The following C12orf42 variants were observed in gnomAD, a reference collection of about 807,000 sequenced individuals.
C12orf42 encodes chromosome 12 open reading frame 42, also known as uncharacterized protein C12orf42.
Under a neutral mutation model 21.6 loss-of-function variants are expected in C12orf42, and 25 were observed. The observed-to-expected ratio is 1.16, with a 90% CI of 0.84 to 1.62. The LOEUF is 1.62. C12orf42 is among the 40% of genes most tolerant of loss of function. The pLI is 0.00. For synonymous variants in C12orf42, 174 were observed against 175.0 expected, an observed-to-expected ratio of 0.99 and a Z score of 0.05; for missense variants, 483 against 459.3, an observed-to-expected ratio of 1.05 and a Z score of -0.47.
chr12:103,110,760 A>C, the C12orf42 span, among the ~76,000 whole-genome samples: 3 of 152,250 alleles, frequency 2.0e-5, no homozygotes, highest in Non-Finnish European at 4.4e-5. Context: ...TAGATTATAG[A>C]AAAAGGATAA....
the C12orf42 span, among the ~76,000 whole-genome samples, chr12:103,054,035 C>T: frequency 3.3e-5 from 5 of 151,890 alleles, no homozygotes; most frequent in South Asian, 8.3e-4. Context: ...ATTCCTTCCA[C>T]TTTGTTCTTT....
At chr12:103,422,924 G>A (rs1485860211) in intron 2 of C12orf42, among the ~76,000 whole-genome samples, 1 of 151,936 alleles carries the variant, frequency 6.6e-6, no homozygotes, top group Non-Finnish European at 1.5e-5. Context: ...TGCATACTGT[G>A]TATTTTCCCT....
intron 2 of C12orf42, among the ~76,000 whole-genome samples, chr12:103,438,554 CAA>C (rs1950933961): frequency 6.6e-6 from 1 of 152,170 alleles, no homozygotes; most frequent in East Asian, 1.9e-4. Context: ...GCAACTTCAG[CAA>C]AGTCTCAGGA....
intron 4 of C12orf42, among the ~76,000 whole-genome samples, chr12:103,291,038 A>T (rs1256190910): frequency 1.3e-5 from 2 of 152,162 alleles, no homozygotes; most frequent in African/African-American, 2.4e-5. Context: ...ATATTTTTTT[A>T]AAAAAGAAAA....
At chr12:103,273,518 G>A (rs937754780) in intron 5 of C12orf42, among the ~76,000 whole-genome samples, 4 of 151,890 alleles carry the variant, frequency 2.6e-5, no homozygotes, top group East Asian at 1.9e-4. Flanking sequence ...GTTTTACCTC[G>A]ACCACCAACT....
intron 2 of C12orf42, among the ~76,000 whole-genome samples, chr12:103,430,424 C>T (rs1283892998): frequency 6.6e-6 from 1 of 152,164 alleles, no homozygotes; most frequent in Non-Finnish European, 1.5e-5. Context: ...TACCATCTCA[C>T]ACCAGTTAGA....
At chr12:103,456,729 C>G (rs950356802) in intron 2 of C12orf42, among the ~76,000 whole-genome samples, 1 of 152,092 alleles carries the variant, frequency 6.6e-6, no homozygotes, top group Non-Finnish European at 1.5e-5. Context: ...AAGGTTGAGG[C>G]TTATATGTAG....
chr12:103,473,130 A>C (rs1953757391), intron 2 of C12orf42, among the ~76,000 whole-genome samples: 1 of 152,232 alleles, frequency 6.6e-6, no homozygotes, highest in Admixed American at 6.5e-5. Context: ...TTAGAACATT[A>C]GAAATAATAA....
chr12:103,052,395 T>C, the C12orf42 span, among the ~76,000 whole-genome samples: 1 of 152,146 alleles, frequency 6.6e-6, no homozygotes. Context: ...GGAAGTATAG[T>C]GGTTTTAGTT....
intron 2 of C12orf42, among the ~76,000 whole-genome samples, chr12:103,444,787 CCTT>C (rs1287174242): frequency 1.3e-5 from 2 of 151,920 alleles, no homozygotes; most frequent in Non-Finnish European, 2.9e-5. Flanking sequence ...GACTGTCATA[CCTT>C]CTTTAGTAAT....
chr12:103,382,314 C>T (rs893780609), intron 3 of C12orf42, among the ~76,000 whole-genome samples: 6 of 152,112 alleles, frequency 3.9e-5, no homozygotes, highest in Non-Finnish European at 7.3e-5. Flanking sequence ...AACAAAATGT[C>T]CACGTCAGCA....
intron 2 of C12orf42, among the ~76,000 whole-genome samples, chr12:103,469,417 T>C (rs1742678725): frequency 1.3e-5 from 2 of 152,210 alleles, no homozygotes; most frequent in Non-Finnish European, 2.9e-5. Context: ...TATCTAGACA[T>C]CTTGATGCAG....
At chr12:103,432,815 G>A (rs1950364871) in intron 2 of C12orf42, among the ~76,000 whole-genome samples, 1 of 152,162 alleles carries the variant, frequency 6.6e-6, no homozygotes. Flanking sequence ...ACAGCAAGAA[G>A]GTGGCCATCA....
chr12:103,401,553 C>T, intron 3 of C12orf42, 54 bp downstream of exon 3: 1 of 1,476,380 alleles, frequency 6.8e-7, no homozygotes, highest in Non-Finnish European at 9.4e-7. Context: ...AGCAACTGAA[C>T]CCTAAAGGAC....
the C12orf42 span, among the ~76,000 whole-genome samples, chr12:103,189,898 G>A: frequency 2.0e-5 from 3 of 152,202 alleles, no homozygotes; most frequent in Non-Finnish European, 4.4e-5. Flanking sequence ...AAGGTCCAGT[G>A]TGAATGGAAA....
intron 4 of C12orf42, among the ~76,000 whole-genome samples, chr12:103,294,605 A>AAAGAAAGC (rs2037105967): frequency 7.0e-6 from 1 of 142,340 alleles, no homozygotes; most frequent in Non-Finnish European, 1.5e-5. Context: ...AGAAAGAAAG[A>AAAGAAAGC]AAGAAAGAAA....
At chr12:103,408,394 A>T (rs1022384186) in intron 2 of C12orf42, among the ~76,000 whole-genome samples, 3 of 152,192 alleles carry the variant, frequency 2.0e-5, no homozygotes, top group Non-Finnish European at 2.9e-5. Flanking sequence ...GAGGGTGTGG[A>T]GGTGAGGAAG....
the C12orf42 span, among the ~76,000 whole-genome samples, chr12:103,188,706 G>C: frequency 3.9e-5 from 6 of 152,246 alleles, no homozygotes; most frequent in South Asian, 1.0e-3. Flanking sequence ...CCTCTCTCTT[G>C]CTTCCTCTCT....
At chr12:103,213,346 T>TA in the C12orf42 span, among the ~76,000 whole-genome samples, 2 of 152,216 alleles carry the variant, frequency 1.3e-5, no homozygotes, top group African/African-American at 4.8e-5. Flanking sequence ...CTCCAGATCC[T>TA]ACTCAAGATT....
Sources: gnomAD v4.1 joint callset for allele counts (sites outside exome capture counted in the v4.1 genomes callset) on GRCh38, gnomAD v4.1.1 for gene constraint, MANE v1.5 for transcripts, NCBI Gene and HGNC (gene_info 2026-07-23, HGNC 2026-07-21) for gene names.